The following DENND5A variants were observed in gnomAD, a reference collection of about 807,000 sequenced individuals.
DENND5A encodes the protein DENN domain containing 5A.
In DENND5A, 64 loss-of-function variants were observed where a neutral mutation model predicts 140.3. That is an observed-to-expected ratio of 0.46 (90% confidence interval 0.37 to 0.56). The LOEUF (loss-of-function observed/expected upper bound fraction) is 0.56. Ranked by LOEUF, DENND5A falls within the 20% of genes least tolerant of loss-of-function variation. DENND5A has a pLI of 0.00. For missense variants in DENND5A, 1,292 were observed against 1,593.8 expected, an observed-to-expected ratio of 0.81 and a Z score of 3.22; for synonymous variants, 605 against 607.7, an observed-to-expected ratio of 1.00 and a Z score of 0.07.
intron 1 of DENND5A, among the ~76,000 whole-genome samples, chr11:9,243,405 T>C (rs1317325677): frequency 1.3e-5 from 2 of 152,184 alleles, no homozygotes; most frequent in African/African-American, 4.8e-5. Context: ...GATTACACAC[T>C]ACGGTTGACC....
At chr11:9,220,573 A>ATAC (rs1233570396) in intron 1 of DENND5A, among the ~76,000 whole-genome samples, 1 of 151,428 alleles carries the variant, frequency 6.6e-6, no homozygotes, top group East Asian at 1.9e-4. Flanking sequence ...AATAATAATA[A>ATAC]TAATTCAACA....
rs59033668 is a variant in DENND5A at position 9,150,505 on chromosome 11, C to T, written c.2606+175G>A. The stretch of plus-strand genomic sequence containing the variant: ...CCTCCAAAAATGCCAGGAAACCCAA[C>T]GGTTTGTACAGCTTTACAAATGTAT... On this transcript the variant is annotated intron_variant, in intron 14 of 22. Coordinates refer to ENST00000328194, the MANE Select transcript of DENND5A (RefSeq NM_015213.4). 7.4e-3 allele frequency among the ~76,000 whole-genome samples: 1,129 copies of T among 152,270 alleles called. 10 individuals are homozygous for T. Among genetic ancestry groups the T allele is most frequent in the African/African-American group, 0.026 (1,082 of 41,534 alleles).
chr11:9,188,059 T>G (rs1340448949), intron 5 of DENND5A, among the ~76,000 whole-genome samples: 1 of 152,226 alleles, frequency 6.6e-6, no homozygotes, highest in Admixed American at 6.5e-5. Context: ...GGTTTGGCTG[T>G]GTCCCCACCC....
intron 1 of DENND5A, among the ~76,000 whole-genome samples, chr11:9,264,156 T>C (rs752834274): frequency 6.6e-6 from 1 of 152,170 alleles, no homozygotes; most frequent in African/African-American, 2.4e-5. Context: ...TCACGGGGAC[T>C]GTATAATTTT....
At chr11:9,165,702 G>C (rs754388357) in intron 11 of DENND5A, 134 bp downstream of exon 11, 4 of 1,083,606 alleles carry the variant, frequency 3.7e-6, no homozygotes, top group Non-Finnish European at 5.4e-6. Flanking sequence ...CCAAAGTGTT[G>C]GGATTACAGG....
intron 2 of DENND5A, 53 bp downstream of exon 2, chr11:9,207,508 A>G: frequency 1.5e-6 from 2 of 1,347,484 alleles, no homozygotes; most frequent in Non-Finnish European, 1.1e-6. Flanking sequence ...GGAGAGATAT[A>G]TGTAAGAACC....
At chr11:9,169,749 G>T in intron 10 of DENND5A, 107 bp downstream of exon 10, 1 of 725,358 alleles carries the variant, frequency 1.4e-6, no homozygotes, top group Non-Finnish European at 2.5e-6. Flanking sequence ...TATGGGGTGA[G>T]GTCATTGCTG....
chr11:9,184,449 A>G (rs1848839225), intron 5 of DENND5A, among the ~76,000 whole-genome samples: 3 of 152,248 alleles, frequency 2.0e-5, no homozygotes, highest in Admixed American at 2.0e-4. Context: ...AAGATTTTAT[A>G]TATGGGTATA....
chr11:9,178,718 T>C (rs184182346), intron 7 of DENND5A, 140 bp downstream of exon 7: 8 of 705,450 alleles, frequency 1.1e-5, no homozygotes, highest in South Asian at 5.5e-5. Context: ...ACCTATTTTA[T>C]CAACATCAAA....
At chr11:9,159,484 A>G (rs1847911618) in intron 12 of DENND5A, among the ~76,000 whole-genome samples, 1 of 151,854 alleles carries the variant, frequency 6.6e-6, no homozygotes, top group South Asian at 2.1e-4. Flanking sequence ...CCACCTGGCT[A>G]ATTTTGTATT....
intron 10 of DENND5A, among the ~76,000 whole-genome samples, chr11:9,166,397 G>T (rs933257828): frequency 1.3e-5 from 2 of 152,024 alleles, no homozygotes; most frequent in Non-Finnish European, 2.9e-5. Flanking sequence ...CACTTTCTTA[G>T]CTGCCTCTTT....
chr11:9,142,871 C>T (rs1454709776), intron 20 of DENND5A, 26 bp from the exon 21 acceptor site: 1 of 1,611,534 alleles, frequency 6.2e-7, no homozygotes, highest in East Asian at 2.2e-5. Flanking sequence ...GGGGAGGGTG[C>T]CAGGCTTGTC....
intron 5 of DENND5A, among the ~76,000 whole-genome samples, chr11:9,192,288 C>T (rs1026506971): frequency 6.6e-6 from 1 of 152,148 alleles, no homozygotes; most frequent in African/African-American, 2.4e-5. Flanking sequence ...CATGAGAATG[C>T]TCTCTTCTTG....
chr11:9,193,463 G>C (rs370502773), intron 5 of DENND5A, 31 bp downstream of exon 5: 4 of 1,531,026 alleles, frequency 2.6e-6, no homozygotes, highest in African/African-American at 2.8e-5. Context: ...TCCTGGATTG[G>C]GGCCAGAGGC....
intron 1 of DENND5A, among the ~76,000 whole-genome samples, chr11:9,254,582 C>T (rs887449367): frequency 6.6e-6 from 1 of 152,136 alleles, no homozygotes; most frequent in Non-Finnish European, 1.5e-5. Flanking sequence ...AGCTAGTAAT[C>T]TGGGCTTCAG....
chr11:9,194,869 AC>A (rs1388447697), intron 4 of DENND5A, among the ~76,000 whole-genome samples: 1 of 147,092 alleles, frequency 6.8e-6, no homozygotes, highest in Non-Finnish European at 1.5e-5. Flanking sequence ...ACAGGTGCCC[AC>A]CACCGCACCT....
At chr11:9,179,550 A>G (rs1590239493) in intron 6 of DENND5A, among the ~76,000 whole-genome samples, 1 of 140,366 alleles carries the variant, frequency 7.1e-6, no homozygotes, top group African/African-American at 2.7e-5. Context: ...CCCAGGCTGG[A>G]GTGCAATGGC....
chr11:9,174,361 C>T (rs945022616), intron 8 of DENND5A, among the ~76,000 whole-genome samples: 5 of 151,602 alleles, frequency 3.3e-5, no homozygotes, highest in Non-Finnish European at 7.4e-5. Flanking sequence ...ACAATAAATA[C>T]CCTTTAAATA....
intron 1 of DENND5A, among the ~76,000 whole-genome samples, chr11:9,215,725 G>GT (rs11397670): frequency 0.62 from 93,540 of 151,552 alleles, 29,410 homozygotes; most frequent in South Asian, 0.71. Flanking sequence ...TTGTTTTTGT[G>GT]TTTTAGTAAA....
Sources: gnomAD v4.1 joint callset for allele counts (sites outside exome capture counted in the v4.1 genomes callset) on GRCh38, gnomAD v4.1.1 for gene constraint, MANE v1.5 for transcripts, NCBI Gene and HGNC (gene_info 2026-07-23, HGNC 2026-07-21) for gene names.